TXNDC16: variants seen among roughly 807,000 people sequenced by gnomAD.
TXNDC16 encodes the protein thioredoxin domain containing 16, also known as thioredoxin domain-containing protein 16.
A neutral mutation model predicts 85.6 loss-of-function variants in TXNDC16; 74 were observed. The observed-to-expected ratio is 0.86, with a 90% CI of 0.72 to 1.05. TXNDC16 has a LOEUF of 1.05. Ranked by LOEUF, TXNDC16 falls within the 50% of genes least tolerant of loss-of-function variation. The pLI, the probability that TXNDC16 is intolerant of heterozygous loss-of-function variation, is 0.00. For missense variants in TXNDC16, 959 were observed against 947.0 expected, an observed-to-expected ratio of 1.01 and a Z score of -0.17; for synonymous variants, 335 against 326.5, an observed-to-expected ratio of 1.03 and a Z score of -0.28.
chr14:52,432,388 C>T lies in TXNDC16; in HGVS notation c.2394G>A (p.Lys798=), dbSNP rs1212351123. 9.9e-6 allele frequency: 16 copies of T among 1,613,838 alleles called. No individual in the cohort carries two copies. The highest frequency in any genetic ancestry group is 1.3e-5 in the African/African-American group (1 of 74,916). The change falls in exon 21 of 21, where the codon AAG becomes AAA. Residue 798 remains lysine, a synonymous_variant. Transcript: ENST00000281741. ...TAAACCAATTACTTCTATTCCAATG[C>T]TTTATTCTCAGAGTTTCAATCGGTT... is the stretch of plus-strand genomic sequence containing the variant. The part of the protein sequence containing the change: ...RKEPIETLRI[K]HWNRSNWFKE...
At chr14:52,542,563 ATAAC>A (rs1298640887) in intron 3 of TXNDC16, 110 bp from the exon 4 acceptor site, 2 of 635,784 alleles carry the variant, frequency 3.1e-6, no homozygotes, top group Non-Finnish European at 5.5e-6. Flanking sequence ...GCAACAACAA[ATAAC>A]TAAACATATC....
At chr14:52,473,923 T>C (rs1442260002) in intron 14 of TXNDC16, among the ~76,000 whole-genome samples, 1 of 152,232 alleles carries the variant, frequency 6.6e-6, no homozygotes, top group Admixed American at 6.5e-5. Context: ...TATAAAGTTA[T>C]AGTATAGGCT....
In TXNDC16 at chr14:52,490,876, G is replaced by A. The variant is rs915951495; in HGVS notation, c.886C>T (p.Arg296Cys). 1.1e-5 allele frequency: 18 copies of A among 1,611,466 alleles called. No individual in the cohort carries two copies. The highest frequency in any genetic ancestry group is 1.6e-4 in the Middle Eastern group (1 of 6,076). ...DRRTAEWVAW[R>C]LLGKAGVLLL... ...AGAACTCCTGCTTTTCCCAGAAGAC[G>A]CCAAGCAACCCATTCTGCAGTTCTT... Residue 296 changes from arginine (R) to cysteine (C), a missense_variant, in exon 10 of 21, where the codon CGT becomes TGT. Transcript: ENST00000281741.
intron 16 of TXNDC16, among the ~76,000 whole-genome samples, chr14:52,459,220 C>A (rs183427244): frequency 6.6e-5 from 10 of 152,234 alleles, no homozygotes; most frequent in Non-Finnish European, 2.9e-5. Context: ...CACATACATA[C>A]ATCTGTTTTT....
chr14:52,494,667 T>C (rs1018178904), intron 9 of TXNDC16, among the ~76,000 whole-genome samples: 2 of 152,188 alleles, frequency 1.3e-5, no homozygotes, highest in South Asian at 4.1e-4. Context: ...GCCATGAATA[T>C]CCTGCCAAGA....
intron 9 of TXNDC16, among the ~76,000 whole-genome samples, chr14:52,507,811 G>C (rs565187501): frequency 1.3e-5 from 2 of 152,138 alleles, no homozygotes. Flanking sequence ...CAAGAAATTG[G>C]GGAAAGGATT....
chr14:52,528,398 T>G (rs376237606), intron 6 of TXNDC16, among the ~76,000 whole-genome samples: 10 of 152,134 alleles, frequency 6.6e-5, no homozygotes, highest in African/African-American at 2.2e-4. Context: ...TTCTCCTTAT[T>G]AAGAATTAGG....
intron 6 of TXNDC16, among the ~76,000 whole-genome samples, chr14:52,528,756 T>A (rs2037397375): frequency 6.7e-6 from 1 of 149,388 alleles, no homozygotes; most frequent in Non-Finnish European, 1.5e-5. Context: ...ATAATAAAAA[T>A]CTGTAAGGTC....
chr14:52,516,149 C>T (rs2037077965), intron 7 of TXNDC16, among the ~76,000 whole-genome samples: 1 of 152,086 alleles, frequency 6.6e-6, no homozygotes, highest in Non-Finnish European at 1.5e-5. Flanking sequence ...TAGCCTGCTG[C>T]ACAACTGCCA....
intron 8 of TXNDC16, among the ~76,000 whole-genome samples, chr14:52,513,954 A>G (rs74050258): frequency 0.097 from 14,689 of 152,128 alleles, 827 homozygotes; most frequent in East Asian, 0.18. Flanking sequence ...AATCAGCAGT[A>G]CAGACAAACA....
intron 8 of TXNDC16, 136 bp from the exon 9 acceptor site, chr14:52,511,526 A>G: frequency 2.0e-6 from 1 of 511,566 alleles, no homozygotes; most frequent in Non-Finnish European, 3.3e-6. Context: ...GAAAGAGTAT[A>G]AAATTAAATG....
chr14:52,549,486 G>A (rs2140237262), intron 1 of TXNDC16, among the ~76,000 whole-genome samples: 1 of 152,276 alleles, frequency 6.6e-6, no homozygotes, highest in Middle Eastern at 3.4e-3. Context: ...AAGAGAAAAC[G>A]CTAGTCTTCT....
rs192127469 is a variant in TXNDC16 at position 52,533,809 on chromosome 14, G to T, written c.392+2910C>A. Among the ~76,000 whole-genome samples the T allele has an allele frequency of 9.9e-5, 15 of 152,264 alleles. 1 individual carries two copies. The East Asian group carries it at 1.9e-3, about 20-fold the overall frequency. ...GACCCATGGACTTGAGGGAACAAAA[G>T]GGGTGTGGGGTAAGAGCGGAAAGGC... On this transcript the variant is annotated intron_variant, in intron 6 of 20. Coordinates refer to ENST00000281741, the MANE Select transcript of TXNDC16 (RefSeq NM_020784.3).
Position 52,531,106 on chromosome 14 carries a change from A to G in TXNDC16, c.392+5613T>C, listed in dbSNP as rs377307765. On this transcript the variant is annotated intron_variant, in intron 6 of 20. Coordinates refer to ENST00000281741, the MANE Select transcript of TXNDC16 (RefSeq NM_020784.3). ...ACATCATAAGTCATCAGGGAAATGC[A>G]AATTAAAACAACAAAGAGATACCAC... Among the ~76,000 whole-genome samples the G allele has an allele frequency of 2.0e-5, 3 of 152,252 alleles. No individual in the cohort carries two copies. The South Asian group carries it at 6.2e-4, about 32-fold the overall frequency.
intron 6 of TXNDC16, among the ~76,000 whole-genome samples, chr14:52,529,670 T>C (rs1335896496): frequency 2.8e-5 from 3 of 108,056 alleles, no homozygotes; most frequent in African/African-American, 4.0e-5. Flanking sequence ...ATGCCTATTA[T>C]ATATAATATA....
At chr14:52,530,243 A>G (rs1230566525) in intron 6 of TXNDC16, among the ~76,000 whole-genome samples, 1 of 54,352 alleles carries the variant, frequency 1.8e-5, no homozygotes, top group Non-Finnish European at 2.8e-5. Context: ...ATATAATAAT[A>G]TATAATATAT....
intron 18 of TXNDC16, among the ~76,000 whole-genome samples, chr14:52,450,404 G>C (rs746847284): frequency 2.1e-5 from 3 of 145,806 alleles, no homozygotes; most frequent in Non-Finnish European, 4.5e-5. Flanking sequence ...AACCTAAATG[G>C]ACCAATAACA....
intron 6 of TXNDC16, among the ~76,000 whole-genome samples, chr14:52,521,176 G>T (rs949233284): frequency 5.9e-5 from 9 of 151,662 alleles, no homozygotes; most frequent in Admixed American, 5.9e-4. Flanking sequence ...GCAGTGGCAC[G>T]ATTTCAGCTC....
At chr14:52,483,669 T>C (rs1032224076) in intron 12 of TXNDC16, among the ~76,000 whole-genome samples, 1 of 152,296 alleles carries the variant, frequency 6.6e-6, no homozygotes, top group Middle Eastern at 3.4e-3. Context: ...AGTCTGGATT[T>C]TATCCAAAAA....
Sources: allele counts gnomAD v4.1 joint callset (sites outside exome capture counted in the v4.1 genomes callset), GRCh38; gene constraint gnomAD v4.1.1; transcripts MANE v1.5; gene names NCBI Gene and HGNC (gene_info 2026-07-23, HGNC 2026-07-21).